Variants in PALS2 observed in about 807,000 individuals in gnomAD.
The protein encoded by PALS2 is protein PALS2.
PALS2 carries 27 observed loss-of-function variants against 61.6 expected under a neutral mutation model. The ratio of observed to expected loss-of-function variants is 0.44; its 90% CI spans 0.32 to 0.60. The LOEUF (loss-of-function observed/expected upper bound fraction) is 0.60, where lower values mean the gene tolerates loss of function less well. Among genes scored for constraint, PALS2 ranks in the 20% least tolerant of loss-of-function variants. The probability of loss-of-function intolerance (pLI) is 0.05; values close to 1 mark genes in which losing one functional copy is unlikely to be tolerated. For missense variants in PALS2, 554 were observed against 639.4 expected, an observed-to-expected ratio of 0.87 and a Z score of 1.44; for synonymous variants, 236 against 218.6, an observed-to-expected ratio of 1.08 and a Z score of -0.70.
At chr7:24,640,877 G>A (rs1170367060) in intron 2 of PALS2, among the ~76,000 whole-genome samples, 3 of 151,592 alleles carry the variant, frequency 2.0e-5, no homozygotes, top group African/African-American at 2.4e-5. Context: ...GCTTGGTGGC[G>A]GGTACCTGTA....
chr7:24,605,801 T>C lies in PALS2; in HGVS notation c.-2-17865T>C, dbSNP rs115391278. Among the ~76,000 whole-genome samples, 1,390 of 152,274 alleles carry C rather than the reference T, an allele frequency of 9.1e-3. 24 individuals carry two copies. Among genetic ancestry groups the C allele is most frequent in the African/African-American group, 0.031 (1,279 of 41,568 alleles). On this transcript the variant is annotated intron_variant, in intron 1 of 11. Transcript: ENST00000222644. Reference sequence around the variant, plus strand: ...TGTAATAAAACAATAATTTAACAAATGGATTGCCCAAGCTATCAGCTATGT... The same window carrying C: ...TGTAATAAAACAATAATTTAACAAACGGATTGCCCAAGCTATCAGCTATGT...
chr7:24,607,513 A>G (rs1783947316), intron 1 of PALS2, among the ~76,000 whole-genome samples: 2 of 151,566 alleles, frequency 1.3e-5, no homozygotes, highest in African/African-American at 2.4e-5. Flanking sequence ...GTGTATATAT[A>G]TGTGTATATA....
chr7:24,668,334 T>G (rs1787135210), intron 8 of PALS2, among the ~76,000 whole-genome samples, 165 bp from the exon 9 acceptor site: 1 of 152,062 alleles, frequency 6.6e-6, no homozygotes, highest in African/African-American at 2.4e-5. Flanking sequence ...TAATTATTAT[T>G]TATTGTACTT....
chr7:24,608,736 G>A (rs1453439938), intron 1 of PALS2, among the ~76,000 whole-genome samples: 3 of 151,970 alleles, frequency 2.0e-5, no homozygotes, highest in Non-Finnish European at 4.4e-5. Context: ...CAAGTATCTG[G>A]GACTACAGGC....
chr7:24,686,218 G>C (rs764264747), intron 11 of PALS2, among the ~76,000 whole-genome samples: 9 of 152,132 alleles, frequency 5.9e-5, no homozygotes, highest in Non-Finnish European at 5.9e-5. Context: ...TAAATTTACA[G>C]TCTGGTGTCA....
chr7:24,597,123 A>C (rs1475496369), intron 1 of PALS2: 10 of 152,152 alleles, frequency 6.6e-5, no homozygotes, highest in Admixed American at 6.6e-4. Flanking sequence ...TAGTTTTCAA[A>C]ATGGTAAATT....
intron 3 of PALS2, among the ~76,000 whole-genome samples, chr7:24,644,137 A>C (rs1457931183): frequency 6.8e-6 from 1 of 146,498 alleles, no homozygotes; most frequent in African/African-American, 2.5e-5. Context: ...TTAGGGGTAC[A>C]TGTAAAGGTT....
At position 24,609,680 on chromosome 7, in the gene PALS2, C is replaced by T. The variant is rs540360724; in HGVS notation, c.-2-13986C>T. ...CTCCTCTAGTGTCCTTTGCAAAGAACGAGATCTACCTCAGCCTCTACTCTC... is the reference window on the plus strand; with the variant it reads ...CTCCTCTAGTGTCCTTTGCAAAGAATGAGATCTACCTCAGCCTCTACTCTC... On this transcript the variant is annotated intron_variant, in intron 1 of 11. Transcript: ENST00000222644. Among the ~76,000 whole-genome samples the T allele has an allele frequency of 1.1e-4, 16 of 152,190 alleles. 1 individual carries two copies. In the South Asian group the frequency reaches 2.9e-3, roughly 28 times the overall value.
At chr7:24,649,500 T>C in intron 3 of PALS2, 112 bp from the exon 4 acceptor site, 1 of 861,172 alleles carries the variant, frequency 1.2e-6, no homozygotes, top group East Asian at 2.9e-5. Flanking sequence ...TAATACCATG[T>C]GCCTTGGAAA....
intron 1 of PALS2, among the ~76,000 whole-genome samples, chr7:24,575,071 G>A (rs538252144): frequency 2.9e-4 from 44 of 152,102 alleles, no homozygotes; most frequent in Non-Finnish European, 4.7e-4. Context: ...GTTTAAATGC[G>A]TGTTTGCACG....
chr7:24,636,487 A>G (rs1431904740), intron 2 of PALS2, among the ~76,000 whole-genome samples: 1 of 152,204 alleles, frequency 6.6e-6, no homozygotes, highest in Non-Finnish European at 1.5e-5. Flanking sequence ...TATTGCAAAT[A>G]ACTATGTAAT....
chr7:24,615,964 A>G (rs1158800182), intron 1 of PALS2, among the ~76,000 whole-genome samples: 2 of 152,200 alleles, frequency 1.3e-5, no homozygotes, highest in Non-Finnish European at 2.9e-5. Flanking sequence ...AATCATCTCA[A>G]TAGATGCAGA....
In PALS2 at chr7:24,649,468, A is replaced by T. The variant is rs370030964; in HGVS notation, c.271-144A>T. 2.0e-5 allele frequency: 9 copies of T among 452,878 alleles called. No homozygotes were observed. In the South Asian group the frequency reaches 2.8e-4, roughly 14 times the overall value. The allele number at this position is 452,878 out of a possible 1,614,324, so 28.1% of individuals were successfully genotyped here. On this transcript the variant is annotated intron_variant, in intron 3 of 11. Coordinates refer to ENST00000222644, the MANE Select transcript of PALS2 (RefSeq NM_001303037.2). ...CTCTTAAAAATTATATATTTATTTG[A>T]TCAACCTGATATTTGGGAATTTAAT... is the stretch of plus-strand genomic sequence containing the variant.
intron 9 of PALS2, among the ~76,000 whole-genome samples, chr7:24,677,622 G>C (rs1304123582): frequency 6.6e-6 from 1 of 152,108 alleles, no homozygotes; most frequent in Non-Finnish European, 1.5e-5. Flanking sequence ...TGCATCTATT[G>C]AGATAATCAT....
intron 5 of PALS2, among the ~76,000 whole-genome samples, chr7:24,654,697 C>T (rs1428031054): frequency 6.6e-6 from 1 of 152,084 alleles, no homozygotes; most frequent in African/African-American, 2.4e-5. Context: ...TAATGGAATT[C>T]CAGTCAAAAC....
chr7:24,580,902 G>A (rs926372555), intron 1 of PALS2, among the ~76,000 whole-genome samples: 13 of 152,130 alleles, frequency 8.5e-5, no homozygotes, highest in Non-Finnish European at 1.3e-4. Flanking sequence ...TATCTCATCT[G>A]CTTGTTGCAG....
In PALS2 at chr7:24,691,385, A is replaced by ATGTGTGTGTGTG. The variant is rs1306601413; in HGVS notation, c.*3774_*3775insGTGTGTGTGTGT. 2.1e-4 allele frequency: 12 copies of ATGTGTGTGTGTG among 56,996 alleles called. No individual in the cohort carries two copies. Among genetic ancestry groups the ATGTGTGTGTGTG allele is most frequent in the Non-Finnish European group, 2.8e-4 (10 of 35,724 alleles). The allele number at this position is 56,996 out of a possible 1,614,324, so 3.5% of individuals were successfully genotyped here. A position where few individuals can be genotyped will look rare whatever the true frequency, so the allele number is the denominator to read the frequency against. On this transcript the variant is annotated 3_prime_UTR_variant, in exon 12 of 12. Coordinates refer to ENST00000222644, the MANE Select transcript of PALS2 (RefSeq NM_001303037.2). ...TTAAATGTTCGAGTTGCCATATATT[A>ATGTGTGTGTGTG]TGTATGTGTGTGTGTGTGTGTATAT...
intron 1 of PALS2, among the ~76,000 whole-genome samples, chr7:24,621,699 A>G (rs922342488): frequency 1.3e-5 from 2 of 152,024 alleles, no homozygotes; most frequent in Non-Finnish European, 2.9e-5. Context: ...TGGAACAGAA[A>G]ACTGTATTTT....
chr7:24,623,456 T>C (rs1373454696), intron 1 of PALS2, among the ~76,000 whole-genome samples: 2 of 152,126 alleles, frequency 1.3e-5, no homozygotes, highest in Non-Finnish European at 2.9e-5. Context: ...AAATTACATA[T>C]AAAAATCTAT....
Sources: gnomAD v4.1 joint callset for allele counts (sites outside exome capture counted in the v4.1 genomes callset) on GRCh38, gnomAD v4.1.1 for gene constraint, MANE v1.5 for transcripts, NCBI Gene and HGNC (gene_info 2026-07-23, HGNC 2026-07-21) for gene names.